Variants in FER1L6 observed in about 807,000 individuals in gnomAD.
FER1L6 encodes fer-1-like protein 6.
A neutral mutation model predicts 219.2 loss-of-function variants in FER1L6; 177 were observed. That is an observed-to-expected ratio of 0.81 (90% CI 0.71 to 0.91). The LOEUF is 0.91. Among genes scored for constraint, FER1L6 ranks in the 40% least tolerant of loss-of-function variants. The pLI is 0.00. For missense variants in FER1L6, 2,153 were observed against 2,259.9 expected, an observed-to-expected ratio of 0.95 and a Z score of 0.96; for synonymous variants, 768 against 824.3, an observed-to-expected ratio of 0.93 and a Z score of 1.17.
intron 31 of FER1L6, among the ~76,000 whole-genome samples, chr8:124,073,040 A>G (rs1228133526): frequency 8.2e-6 from 1 of 121,898 alleles, no homozygotes; most frequent in Admixed American, 8.5e-5. Flanking sequence ...AGCATTTTCT[A>G]AACTTTTGCC....
At chr8:124,034,750 A>G (rs1179353434) in intron 18 of FER1L6, among the ~76,000 whole-genome samples, 11 of 152,226 alleles carry the variant, frequency 7.2e-5, no homozygotes, top group Admixed American at 5.9e-4. Flanking sequence ...GGATTCTTCT[A>G]CATGAAACAA....
At chr8:123,945,906 C>T (rs188471288) in intron 1 of FER1L6, among the ~76,000 whole-genome samples, 23 of 152,242 alleles carry the variant, frequency 1.5e-4, no homozygotes, top group South Asian at 1.2e-3. Flanking sequence ...TTAGTATATA[C>T]AGAAAAATAA....
At chr8:123,865,690 G>A (rs1053136701) in intron 1 of FER1L6, among the ~76,000 whole-genome samples, 4 of 151,340 alleles carry the variant, frequency 2.6e-5, no homozygotes, top group East Asian at 1.9e-4. Context: ...GTGGTGAGCC[G>A]TTTTTTAAGC....
At chr8:123,912,017 G>C (rs894495946) in intron 1 of FER1L6, among the ~76,000 whole-genome samples, 3 of 152,172 alleles carry the variant, frequency 2.0e-5, no homozygotes, top group Non-Finnish European at 2.9e-5. Context: ...TTGGCATGGA[G>C]TGAGCAAATA....
At chr8:123,968,102 G>A (rs757173815) in intron 5 of FER1L6, among the ~76,000 whole-genome samples, 2 of 152,014 alleles carry the variant, frequency 1.3e-5, no homozygotes, top group Non-Finnish European at 2.9e-5. Context: ...CTGCCTCTGC[G>A]CCTCTGACTA....
chr8:123,880,849 A>G (rs763684522), intron 1 of FER1L6, among the ~76,000 whole-genome samples: 23 of 152,174 alleles, frequency 1.5e-4, no homozygotes, highest in Admixed American at 4.6e-4. Flanking sequence ...ATATCTGATG[A>G]TCAATTAATT....
At position 124,081,605 on chromosome 8, in the gene FER1L6, C is replaced by CAAAAAAAAAAAAAAAA. The variant is rs1243602409; in HGVS notation, c.4221-678_4221-663dup. Among the ~76,000 whole-genome samples, 2 of 53,000 alleles carry CAAAAAAAAAAAAAAAA rather than the reference C, an allele frequency of 3.8e-5. 1 individual carries two copies. The highest frequency in any genetic ancestry group is 1.2e-4 in the African/African-American group (2 of 16,050). The allele number at this position is 53,000 out of a possible 152,430, so 34.8% of individuals were successfully genotyped here. On this transcript the variant is annotated intron_variant, in intron 32 of 40. Transcript: ENST00000522917. ...GTGCAGGCTCCAGCAATGCAGAGAC[C>CAAAAAAAAAAAAAAAA]AAAAAAAAAAAAAAAAAAAAGGGCA...
intron 1 of FER1L6, among the ~76,000 whole-genome samples, chr8:123,896,714 AC>A (rs1199966524): frequency 9.9e-5 from 15 of 152,214 alleles, no homozygotes; most frequent in Non-Finnish European, 2.2e-4. Flanking sequence ...AGACACATAA[AC>A]CATGTCTGTG....
chr8:123,854,362 G>A (rs1816589524), intron 1 of FER1L6, among the ~76,000 whole-genome samples: 1 of 152,186 alleles, frequency 6.6e-6, no homozygotes, highest in African/African-American at 2.4e-5. Context: ...TGCACACCCA[G>A]ATGTCTGCGT....
chr8:123,935,756 C>T (rs1813961657), intron 1 of FER1L6, among the ~76,000 whole-genome samples: 1 of 151,996 alleles, frequency 6.6e-6, no homozygotes, highest in African/African-American at 2.4e-5. Flanking sequence ...TGATTTTATC[C>T]AGTGATTTTT....
At chr8:123,978,623 G>A (rs1816195032) in intron 10 of FER1L6, among the ~76,000 whole-genome samples, 1 of 152,002 alleles carries the variant, frequency 6.6e-6, no homozygotes, top group South Asian at 2.1e-4. Context: ...GCACATGCAT[G>A]TGTATCTACA....
intron 1 of FER1L6, among the ~76,000 whole-genome samples, chr8:123,875,293 GA>G: frequency 1.3e-5 from 2 of 152,182 alleles, no homozygotes; most frequent in Non-Finnish European, 2.9e-5. Flanking sequence ...CAACTCTGCT[GA>G]AAGAGGTCAC....
In FER1L6 at chr8:124,038,413, C is replaced by T. The variant is rs143039603; in HGVS notation, c.2465-1469C>T. ...AGATTCTTGAGATCCATCCATTTTG[C>T]CACGTGTACCTCTAATTCGTTGCCC... On this transcript the variant is annotated intron_variant, in intron 19 of 40. Transcript: ENST00000522917. Among the ~76,000 whole-genome samples, 480 of 152,288 alleles carry T rather than the reference C, an allele frequency of 3.2e-3. 2 individuals carry two copies. The highest frequency in any genetic ancestry group is 0.011 in the African/African-American group (465 of 41,554).
intron 15 of FER1L6, among the ~76,000 whole-genome samples, chr8:124,014,096 G>T (rs1240120983): frequency 2.6e-5 from 4 of 152,126 alleles, no homozygotes; most frequent in Non-Finnish European, 5.9e-5. Flanking sequence ...AGGAGAAAAG[G>T]CATGCAAATG....
intron 1 of FER1L6, among the ~76,000 whole-genome samples, chr8:123,861,366 G>C (rs1316278841): frequency 1.3e-5 from 2 of 149,060 alleles, no homozygotes; most frequent in Non-Finnish European, 2.9e-5. Context: ...CCAGTACCAT[G>C]CTGTTTTGGT....
At chr8:124,085,959 T>A (rs183156665) in intron 33 of FER1L6, among the ~76,000 whole-genome samples, 1 of 152,348 alleles carries the variant, frequency 6.6e-6, no homozygotes, top group African/African-American at 2.4e-5. Flanking sequence ...TATCATTATA[T>A]AATGACCTTC....
At chr8:123,940,263 A>G (rs1045759653) in intron 1 of FER1L6, among the ~76,000 whole-genome samples, 10 of 152,166 alleles carry the variant, frequency 6.6e-5, no homozygotes, top group African/African-American at 2.4e-4. Flanking sequence ...GTATTGATAT[A>G]ATCTGCCCTT....
chr8:124,031,116 A>G (rs1818945799), intron 18 of FER1L6, among the ~76,000 whole-genome samples: 2 of 152,092 alleles, frequency 1.3e-5, no homozygotes, highest in Non-Finnish European at 1.5e-5. Context: ...CTTCAGGGGC[A>G]CATGAGAGAG....
chr8:124,057,095 C>G (rs990699553), intron 22 of FER1L6, among the ~76,000 whole-genome samples: 22 of 152,142 alleles, frequency 1.4e-4, no homozygotes, highest in African/African-American at 5.3e-4. Flanking sequence ...AGACCCTGCT[C>G]AAGCCCTCAA....
Sources: allele counts gnomAD v4.1 joint callset (sites outside exome capture counted in the v4.1 genomes callset), GRCh38; gene constraint gnomAD v4.1.1; transcripts MANE v1.5; gene names NCBI Gene and HGNC (gene_info 2026-07-23, HGNC 2026-07-21).